ZBTB25: variants seen among roughly 807,000 people sequenced by gnomAD.
ZBTB25 encodes zinc finger and BTB domain containing 25, also known as zinc finger and BTB domain-containing protein 25.
A neutral mutation model predicts 34.2 loss-of-function variants in ZBTB25; 20 were observed. That is an observed-to-expected ratio of 0.58 (90% CI 0.41 to 0.85). The LOEUF is 0.85. ZBTB25 is among the 40% of genes least tolerant of loss of function. ZBTB25 has a pLI of 0.00. For missense variants in ZBTB25, 437 were observed against 521.8 expected, an observed-to-expected ratio of 0.84 and a Z score of 1.58; for synonymous variants, 175 against 186.4, an observed-to-expected ratio of 0.94 and a Z score of 0.50.
intron 1 of ZBTB25, chr14:64,502,506 A>G: frequency 2.9e-6 from 1 of 344,244 alleles, no homozygotes; most frequent in Non-Finnish European, 4.1e-6. Flanking sequence ...CAGCAATGAA[A>G]CTTTCAGGGG....
rs1436439978 is a variant in ZBTB25, at chr14:64,486,285, CAG to C, written c.*636_*637del. On this transcript the variant is annotated 3_prime_UTR_variant, in exon 3 of 3. Transcript: ENST00000608382. The stretch of plus-strand genomic sequence containing the variant: ...CCACTGCGCCCCAGCCTGGGCGACA[CAG>C]AGAGACTCTGTCTCAAAAAAAAAAA... The C allele has an allele frequency of 5.9e-5, 58 of 980,092 alleles. No individual in the cohort carries two copies. In the South Asian group the frequency reaches 2.0e-3, roughly 34 times the overall value. The allele number at this position is 980,092 out of a possible 1,614,324, so 60.7% of individuals were successfully genotyped here. A position where few individuals can be genotyped will look rare whatever the true frequency, so the allele number is the denominator to read the frequency against.
chr14:64,464,681 G>A (rs543154931), intron 2 of ZBTB25, among the ~76,000 whole-genome samples: 1 of 152,316 alleles, frequency 6.6e-6, no homozygotes, highest in African/African-American at 2.4e-5. Context: ...GGCTGGGATT[G>A]TGATGGATCC....
chr14:64,487,627 A>G lies in ZBTB25; in HGVS notation c.604T>C (p.Ser202Pro). The G allele has an allele frequency of 6.2e-7, 1 of 1,605,556 alleles. No individual in the cohort carries two copies. Among genetic ancestry groups the G allele is most frequent in the Non-Finnish European group, 8.5e-7 (1 of 1,175,932 alleles). ...ALEEHQKPPV[S>P]IKQERCDPES... ...GGGTCACATCTCTCCTGCTTGATGG[A>G]AACTGGGGGCTTCTGGTGCTCCTCC... The change falls in exon 3 of 3, where the codon TCC becomes CCC. Residue 202 changes from serine (S) to proline (P), a missense_variant. By Grantham distance (74) the Ser-to-Pro change is moderately conservative (BLOSUM62 -1). Transcript: ENST00000608382.
upstream of ZBTB25, chr14:64,503,968 C>T (rs915920985): frequency 2.0e-5 from 3 of 152,112 alleles, no homozygotes; most frequent in Admixed American, 6.5e-5. Context: ...GCAGTTGTGA[C>T]TCTGTAGGCG....
In ZBTB25 at chr14:64,460,003, C is replaced by T; in HGVS notation, c.174-10365G>A. On this transcript the variant is annotated intron_variant, in intron 2 of 2. Coordinates refer to the ZBTB25 transcript ENST00000555220. ...CACAGAATAAAAGGAAACAAGTTTG[C>T]CATCTTGGTGTTGCAATATGAATTA... 5 of 1,339,470 alleles carry T rather than the reference C, an allele frequency of 3.7e-6. No homozygotes were observed. The South Asian group carries it at 5.4e-5, about 14-fold the overall frequency. The allele number at this position is 1,339,470 out of a possible 1,614,324, so 83.0% of individuals were successfully genotyped here. A position where few individuals can be genotyped will look rare whatever the true frequency, so the allele number is the denominator to read the frequency against.
chr14:64,453,960 C>T (rs931669372), intron 2 of ZBTB25: 3 of 757,600 alleles, frequency 4.0e-6, no homozygotes, highest in Admixed American at 2.0e-5. Flanking sequence ...CCCGTTGCTT[C>T]ACTTCTCTGG....
Position 64,486,152 on chromosome 14 carries a change from A to T in ZBTB25, c.*771T>A. On this transcript the variant is annotated 3_prime_UTR_variant, in exon 3 of 3. Coordinates refer to ENST00000608382, the MANE Select transcript of ZBTB25 (RefSeq NM_006977.5). Reference sequence around the variant, plus strand: ...GTCTCTACTAAAAAAATACAAAAAAATTAGCTGGGCGTGGTGGCGGGCGCC... The same window carrying T: ...GTCTCTACTAAAAAAATACAAAAAATTTAGCTGGGCGTGGTGGCGGGCGCC... 1 of 675,884 alleles carries T rather than the reference A, an allele frequency of 1.5e-6. No individual in the cohort carries two copies. The highest frequency in any genetic ancestry group is 6.7e-5 in the South Asian group (1 of 14,992). The allele number at this position is 675,884 out of a possible 1,614,324, so 41.9% of individuals were successfully genotyped here.
chr14:64,492,020 T>G (rs1184404405), intron 1 of ZBTB25, among the ~76,000 whole-genome samples: 2 of 148,034 alleles, frequency 1.4e-5, no homozygotes, highest in African/African-American at 5.0e-5. Flanking sequence ...TGGGTGGATG[T>G]GACAGGAGGA....
downstream of ZBTB25, among the ~76,000 whole-genome samples, chr14:64,475,422 A>G (rs1243393468): frequency 6.6e-6 from 1 of 151,962 alleles, no homozygotes; most frequent in Non-Finnish European, 1.5e-5. Flanking sequence ...CTGGGCGACA[A>G]AGCGAGACTC....
intron 1 of ZBTB25, among the ~76,000 whole-genome samples, chr14:64,493,256 T>C (rs979782529): frequency 2.5e-4 from 38 of 152,228 alleles, no homozygotes; most frequent in African/African-American, 8.9e-4. Flanking sequence ...AGCGTGGTAG[T>C]TAAAGCTTGA....
intron 2 of ZBTB25, chr14:64,472,020 T>C (rs1219885750): frequency 6.0e-6 from 1 of 166,582 alleles, no homozygotes; most frequent in Admixed American, 6.5e-5. Context: ...TTCATGCTTA[T>C]AATCCGGGGA....
Position 64,463,644 on chromosome 14 carries a change from A to C in ZBTB25, c.174-14006T>G, listed in dbSNP as rs564105790. Among the ~76,000 whole-genome samples the C allele has an allele frequency of 2.4e-3, 365 of 151,404 alleles. 2 individuals carry two copies. The highest frequency in any genetic ancestry group is 4.1e-3 in the Non-Finnish European group (280 of 67,844). On this transcript the variant is annotated intron_variant, in intron 2 of 2. Coordinates refer to the ZBTB25 transcript ENST00000555220. ...CATCTCTACAAAAAAAAAAAAAAGA[A>C]GAAGAACCTGGGCATGTGGTCGCAT...
chr14:64,486,936 A>G lies in ZBTB25; in HGVS notation c.1295T>C (p.Ile432Thr). 6.2e-7 allele frequency: 1 copy of G among 1,608,112 alleles called. No individual in the cohort carries two copies. Among genetic ancestry groups the G allele is most frequent in the Non-Finnish European group, 8.5e-7 (1 of 1,177,342 alleles). The change falls in exon 3 of 3, where the codon ATC (isoleucine) becomes ACC (threonine). Residue 432 changes from isoleucine (I) to threonine (T), a missense_variant. Coordinates refer to ENST00000608382, the MANE Select transcript of ZBTB25 (RefSeq NM_006977.5). The stretch of plus-strand genomic sequence containing the variant: ...AAAGAGAAGCTGCTACTCAACTAGG[A>G]TAGTATCCACATTTTCTTGTGTGAG... ...SELTQENVDT[I>T]LVE
At chr14:64,459,047 G>A (rs2078521128) in intron 2 of ZBTB25, among the ~76,000 whole-genome samples, 1 of 152,190 alleles carries the variant, frequency 6.6e-6, no homozygotes, top group South Asian at 2.1e-4. Context: ...CCGTCTTACT[G>A]GCAATAAGAA....
In ZBTB25 at chr14:64,488,008, A is replaced by G. The variant is rs776940616; in HGVS notation, c.223T>C (p.Tyr75His). 46 of 1,613,968 alleles carry G rather than the reference A, an allele frequency of 2.9e-5. 2 individuals are homozygous for G. The South Asian group carries it at 4.9e-4, about 17-fold the overall frequency. ...PTDIQPDIFS[Y>H]LLHIMYTGKG... ...CCCGTGTACATAATGTGCAACAAAT[A>G]GCTGAATATGTCAGGTTGGATGTCA... Residue 75 changes from tyrosine to histidine, a missense_variant, in exon 3 of 3, where the codon TAT becomes CAT. Physicochemically the swap from Tyr to His is moderately conservative, Grantham distance 83. Transcript: ENST00000608382.
At chr14:64,456,972 G>A (rs1050967422) in intron 2 of ZBTB25, among the ~76,000 whole-genome samples, 15 of 152,166 alleles carry the variant, frequency 9.9e-5, no homozygotes, top group African/African-American at 3.1e-4. Context: ...AAAAATATAC[G>A]GAGTTTTCAC....
chr14:64,469,008 C>T lies in ZBTB25; in HGVS notation c.174-19370G>A, dbSNP rs2230492. 8,467 of 1,614,178 alleles carry T rather than the reference C, an allele frequency of 5.2e-3. 27 individuals are homozygous for T. The highest frequency in any genetic ancestry group is 6.6e-3 in the Non-Finnish European group (7,840 of 1,180,026). ...TCAAATGTGAGCAATAGCACAACTT[C>T]TGGAGAGAAAGTGATTTCAGTAGAA... On this transcript the variant is annotated intron_variant, in intron 2 of 2. Transcript: ENST00000555220.
chr14:64,497,700 T>G lies in ZBTB25; in HGVS notation c.-8+5961A>C, dbSNP rs1051816169. On this transcript the variant is annotated intron_variant, in intron 1 of 2. Transcript: ENST00000608382. Reference sequence around the variant, plus strand: ...GAACAACTTTATACTAGTATCTATGTTTGTTTAAAGCTGGCTTGATATTCA... The same window carrying G: ...GAACAACTTTATACTAGTATCTATGGTTGTTTAAAGCTGGCTTGATATTCA... Among the ~76,000 whole-genome samples, 5 of 152,240 alleles carry G rather than the reference T, an allele frequency of 3.3e-5. No individual in the cohort carries two copies. The East Asian group carries it at 9.6e-4, about 29-fold the overall frequency.
At chr14:64,456,433 C>T (rs772507346) in intron 2 of ZBTB25, among the ~76,000 whole-genome samples, 186 of 152,096 alleles carry the variant, frequency 1.2e-3, no homozygotes, top group Non-Finnish European at 1.9e-3. Flanking sequence ...CATACATGTG[C>T]GTACACATAA....
Sources: allele counts gnomAD v4.1 joint callset (sites outside exome capture counted in the v4.1 genomes callset), GRCh38; gene constraint gnomAD v4.1.1; transcripts MANE v1.5; gene names NCBI Gene and HGNC (gene_info 2026-07-23, HGNC 2026-07-21).